The following WWOX variants were observed in gnomAD, a reference collection of about 807,000 sequenced individuals.
The protein encoded by WWOX is WW domain-containing oxidoreductase.
WWOX carries 69 observed loss-of-function variants against 46.2 expected under a neutral mutation model. The ratio of observed to expected loss-of-function variants is 1.49; its 90% CI spans 1.23 to 1.82. The LOEUF (loss-of-function observed/expected upper bound fraction) is 1.82, where lower values mean the gene tolerates loss of function less well. WWOX is among the 40% of genes most tolerant of loss of function. WWOX has a pLI of 0.00. For missense variants in WWOX, 919 were observed against 542.6 expected (o/e 1.69, Z -6.89); for synonymous variants, 359 against 202.6 (o/e 1.77, Z -6.56).
intron 5 of WWOX, among the ~76,000 whole-genome samples, chr16:78,318,342 G>C (rs895698920): frequency 2.7e-5 from 4 of 149,968 alleles, no homozygotes; most frequent in Non-Finnish European, 4.4e-5. Flanking sequence ...GGGCAATGGA[G>C]ACAGGAATGA....
chr16:78,921,336 C>G (rs1597153166), intron 8 of WWOX, among the ~76,000 whole-genome samples: 1 of 152,140 alleles, frequency 6.6e-6, no homozygotes, highest in South Asian at 2.1e-4. Flanking sequence ...AATGAAAGTT[C>G]TAGCTGACAT....
chr16:78,691,007 A>T (rs1320035233), intron 8 of WWOX, among the ~76,000 whole-genome samples: 2 of 152,166 alleles, frequency 1.3e-5, no homozygotes, highest in African/African-American at 2.4e-5. Flanking sequence ...ACCCCCTTTG[A>T]TAATCTCCAC....
intron 4 of WWOX, among the ~76,000 whole-genome samples, chr16:78,146,409 G>A (rs2034199413): frequency 6.6e-6 from 1 of 152,156 alleles, no homozygotes; most frequent in Non-Finnish European, 1.5e-5. Flanking sequence ...AGAAGCAGCA[G>A]CGGGGTGAGG....
intron 6 of WWOX, among the ~76,000 whole-genome samples, chr16:78,415,922 A>C (rs1166889049): frequency 1.3e-5 from 2 of 152,156 alleles, no homozygotes; most frequent in Non-Finnish European, 2.9e-5. Flanking sequence ...TAGCATCCCC[A>C]CAGTCAGCAG....
intron 5 of WWOX, among the ~76,000 whole-genome samples, chr16:78,255,768 T>C (rs1279525189): frequency 6.6e-6 from 1 of 152,206 alleles, no homozygotes; most frequent in Non-Finnish European, 1.5e-5. Context: ...CTAGTTCTTA[T>C]AAATCCATGT....
intron 8 of WWOX, among the ~76,000 whole-genome samples, chr16:78,825,094 T>C (rs1052795944): frequency 2.0e-5 from 3 of 152,074 alleles, no homozygotes; most frequent in Admixed American, 1.3e-4. Context: ...ACTTCATAAA[T>C]GAGGATGCCG....
At chr16:78,293,989 A>AAC (rs1567482430) in intron 5 of WWOX, among the ~76,000 whole-genome samples, 5 of 148,910 alleles carry the variant, frequency 3.4e-5, no homozygotes, top group Non-Finnish European at 7.5e-5. Context: ...AAAAAAAAAA[A>AAC]AAAAAAAAAA....
chr16:78,129,617 TA>T (rs1317052941), intron 4 of WWOX, among the ~76,000 whole-genome samples: 9 of 152,044 alleles, frequency 5.9e-5, no homozygotes, highest in Non-Finnish European at 1.3e-4. Flanking sequence ...AGGACAGAGG[TA>T]AGAACTGGTT....
At chr16:78,178,863 C>CAAAAAA (rs5818110) in intron 5 of WWOX, among the ~76,000 whole-genome samples, 2 of 138,862 alleles carry the variant, frequency 1.4e-5, no homozygotes, top group Non-Finnish European at 3.1e-5. Context: ...GATTCCGTCT[C>CAAAAAA]AAAAAAAAAA....
chr16:78,242,552 C>A (rs1013166548), intron 5 of WWOX, among the ~76,000 whole-genome samples: 3 of 152,130 alleles, frequency 2.0e-5, no homozygotes, highest in Admixed American at 6.5e-5. Flanking sequence ...AGACATAAAT[C>A]CTTGAGTGAG....
intron 5 of WWOX, among the ~76,000 whole-genome samples, chr16:78,171,244 A>G (rs2035150482): frequency 6.6e-6 from 1 of 152,152 alleles, no homozygotes; most frequent in Non-Finnish European, 1.5e-5. Flanking sequence ...ATGGCATGAT[A>G]TTAAGGAACG....
chr16:78,725,190 C>G (rs1184230342), intron 8 of WWOX, among the ~76,000 whole-genome samples: 1 of 150,752 alleles, frequency 6.6e-6, no homozygotes, highest in African/African-American at 2.4e-5. Context: ...TTTCTCTTGC[C>G]TACTGCCATG....
intron 8 of WWOX, among the ~76,000 whole-genome samples, chr16:79,115,756 C>T (rs1056679131): frequency 2.6e-5 from 4 of 152,124 alleles, no homozygotes; most frequent in Non-Finnish European, 5.9e-5. Context: ...GTAGAAGTTT[C>T]AAGTTACAAG....
At chr16:78,791,378 C>T (rs1245147444) in intron 8 of WWOX, among the ~76,000 whole-genome samples, 1 of 152,142 alleles carries the variant, frequency 6.6e-6, no homozygotes, top group African/African-American at 2.4e-5. Flanking sequence ...CAGGAGCAGC[C>T]GATCTGAGAC....
chr16:78,815,588 A>G (rs2051308462), intron 8 of WWOX, among the ~76,000 whole-genome samples: 1 of 152,238 alleles, frequency 6.6e-6, no homozygotes, highest in East Asian at 1.9e-4. Context: ...GCTGTCCTCC[A>G]AAACACACAT....
chr16:78,662,486 T>C (rs1299377865), intron 8 of WWOX, among the ~76,000 whole-genome samples: 2 of 152,142 alleles, frequency 1.3e-5, no homozygotes, highest in Non-Finnish European at 2.9e-5. Flanking sequence ...ACTGAGCACC[T>C]ACCATGTAGG....
At chr16:78,502,058 T>C (rs888517474) in intron 8 of WWOX, among the ~76,000 whole-genome samples, 5 of 152,166 alleles carry the variant, frequency 3.3e-5, no homozygotes, top group African/African-American at 1.2e-4. Flanking sequence ...TTAGCCAACT[T>C]CTCTGGATGC....
At chr16:78,387,099 GT>G in intron 6 of WWOX, 151 bp downstream of exon 6, 3 of 748,952 alleles carry the variant, frequency 4.0e-6, no homozygotes, top group South Asian at 3.0e-5. Flanking sequence ...AAGGTGAACC[GT>G]ATTTTCTTGA....
intron 8 of WWOX, among the ~76,000 whole-genome samples, chr16:78,589,714 T>C (rs1308249365): frequency 6.6e-6 from 1 of 152,222 alleles, no homozygotes; most frequent in African/African-American, 2.4e-5. Context: ...AAGGTAAAAC[T>C]GTAGCTTACA....
Sources: allele counts gnomAD v4.1 joint callset (sites outside exome capture counted in the v4.1 genomes callset), GRCh38; gene constraint gnomAD v4.1.1; transcripts MANE v1.5; gene names NCBI Gene and HGNC (gene_info 2026-07-23, HGNC 2026-07-21).